Variants in PHACTR4 observed in about 807,000 individuals in gnomAD.
PHACTR4 encodes protein phosphatase 1, regulatory subunit 124.
In PHACTR4, 51 loss-of-function variants were observed where a neutral mutation model predicts 72.7. That is an observed-to-expected ratio of 0.70 (90% CI 0.56 to 0.89). The LOEUF (loss-of-function observed/expected upper bound fraction) is 0.89. Ranked by LOEUF, PHACTR4 falls within the 40% of genes least tolerant of loss-of-function variation. The pLI is 0.00. For synonymous variants in PHACTR4, 255 were observed against 302.5 expected (o/e 0.84, Z 1.63); for missense variants, 731 against 861.8 (o/e 0.85, Z 1.90).
chr1:28,400,392 AAG>A (rs1468499669), intron 1 of PHACTR4, among the ~76,000 whole-genome samples: 1 of 150,928 alleles, frequency 6.6e-6, no homozygotes, highest in Non-Finnish European at 1.5e-5. Flanking sequence ...AAAAAAAAAA[AAG>A]AGAAATCTGG....
chr1:28,420,931 G>A (rs529346466), intron 2 of PHACTR4, among the ~76,000 whole-genome samples: 1 of 152,192 alleles, frequency 6.6e-6, no homozygotes, highest in African/African-American at 2.4e-5. Flanking sequence ...ATATAACTTA[G>A]AAAAAAATTA....
At chr1:28,491,933 C>A in intron 12 of PHACTR4, 146 bp downstream of exon 12, 1 of 1,061,830 alleles carries the variant, frequency 9.4e-7, no homozygotes, top group Non-Finnish European at 1.3e-6. Flanking sequence ...ATACAAAATG[C>A]CAAGTTGAAC....
At chr1:28,440,654 A>G (rs1326153588) in intron 2 of PHACTR4, among the ~76,000 whole-genome samples, 5 of 151,942 alleles carry the variant, frequency 3.3e-5, no homozygotes, top group African/African-American at 9.7e-5. Context: ...TTTATTTCCT[A>G]TTACCTAGAT....
intron 1 of PHACTR4, 30 bp downstream of exon 1, chr1:28,369,855 A>AGGACGCGCTCAGT (rs771388954): frequency 1.1e-5 from 5 of 440,616 alleles, no homozygotes; most frequent in Non-Finnish European, 1.8e-5. Flanking sequence ...GAAAGTGAGC[A>AGGACGCGCTCAGT]GGACGCGCTC....
intron 1 of PHACTR4, among the ~76,000 whole-genome samples, chr1:28,379,988 T>G (rs1351701272): frequency 6.6e-6 from 1 of 151,946 alleles, no homozygotes; most frequent in Non-Finnish European, 1.5e-5. Context: ...TTTTTTTAAC[T>G]TTTGGACAGA....
chr1:28,375,374 A>G (rs1458413606), intron 1 of PHACTR4, among the ~76,000 whole-genome samples: 1 of 147,708 alleles, frequency 6.8e-6, no homozygotes, highest in African/African-American at 2.5e-5. Context: ...GCATTGGAAG[A>G]AGATTATTTA....
intron 2 of PHACTR4, among the ~76,000 whole-genome samples, chr1:28,429,745 C>A (rs764433570): frequency 6.6e-6 from 1 of 152,152 alleles, no homozygotes; most frequent in South Asian, 2.1e-4. Context: ...ATGGGCCCTG[C>A]CCACAAGGAA....
chr1:28,458,626 ATAAG>A (rs2124466240), intron 2 of PHACTR4, among the ~76,000 whole-genome samples: 1 of 152,326 alleles, frequency 6.6e-6, no homozygotes, highest in East Asian at 1.9e-4. Flanking sequence ...ATGAGCAGAT[ATAAG>A]TAAGGTACTA....
chr1:28,464,895 G>A (rs1174612182), intron 4 of PHACTR4, among the ~76,000 whole-genome samples: 1 of 151,918 alleles, frequency 6.6e-6, no homozygotes, highest in Admixed American at 6.6e-5. Flanking sequence ...GTAGAGACAA[G>A]GTTTTACCAT....
intron 6 of PHACTR4, among the ~76,000 whole-genome samples, chr1:28,471,733 G>A (rs919115830): frequency 2.0e-5 from 3 of 151,994 alleles, no homozygotes; most frequent in Admixed American, 1.3e-4. Context: ...ACAGGGTGAA[G>A]GCTTCTCATC....
At chr1:28,395,173 A>G (rs1433957339) in intron 1 of PHACTR4, among the ~76,000 whole-genome samples, 1 of 152,068 alleles carries the variant, frequency 6.6e-6, no homozygotes, top group African/African-American at 2.4e-5. Flanking sequence ...TTGGCCTCCT[A>G]AAGTGCTGGG....
chr1:28,491,937 G>C, intron 12 of PHACTR4, 150 bp downstream of exon 12: 2 of 1,035,306 alleles, frequency 1.9e-6, no homozygotes, highest in Non-Finnish European at 2.7e-6. Flanking sequence ...AAAATGCCAA[G>C]TTGAACAAGT....
At chr1:28,487,150 A>G (rs1271503196) in intron 9 of PHACTR4, among the ~76,000 whole-genome samples, 1 of 152,098 alleles carries the variant, frequency 6.6e-6, no homozygotes, top group Non-Finnish European at 1.5e-5. Context: ...GCGGATCACA[A>G]GGTCAGGAGA....
chr1:28,482,837 G>A (rs1660363299), intron 9 of PHACTR4, among the ~76,000 whole-genome samples: 1 of 151,504 alleles, frequency 6.6e-6, no homozygotes, highest in Admixed American at 6.6e-5. Flanking sequence ...TATTCTGGAA[G>A]CTTAGGTAGA....
At chr1:28,458,157 T>TGTGTG (rs1658544286) in intron 2 of PHACTR4, among the ~76,000 whole-genome samples, 1 of 135,864 alleles carries the variant, frequency 7.4e-6, no homozygotes, top group Admixed American at 7.4e-5. Context: ...TGTGTGTGTG[T>TGTGTG]TTGAGACAGG....
In PHACTR4 at chr1:28,500,148, G is replaced by A. The variant is rs961392823; in HGVS notation, c.*3599G>A. 18 of 152,022 alleles carry A rather than the reference G, an allele frequency of 1.2e-4. No homozygotes were observed. The highest frequency in any genetic ancestry group is 3.6e-4 in the African/African-American group (15 of 41,388). 9.4% of individuals were successfully genotyped at this position (152,022 alleles called of 1,614,324 possible). A position where few individuals can be genotyped will look rare whatever the true frequency, so the allele number is the denominator to read the frequency against. On this transcript the variant is annotated 3_prime_UTR_variant, in exon 14 of 14. Coordinates refer to ENST00000373839, the MANE Select transcript of PHACTR4 (RefSeq NM_001048183.3). ...GTCTCTTTGGGTGTTTTGTTTTTATGTATATAAAAATGGATTTTGTGTTCC... is the reference window on the plus strand; with the variant it reads ...GTCTCTTTGGGTGTTTTGTTTTTATATATATAAAAATGGATTTTGTGTTCC...
Position 28,444,243 on chromosome 1 carries a change from T to TTTTTTC in PHACTR4, c.17-14841_17-14840insTTTTCT, listed in dbSNP as rs1553194313. On this transcript the variant is annotated intron_variant, in intron 2 of 13. Transcript: ENST00000373839. ...TTTTTTTTTTTTTTTTTTTTTTTTTTTGAGACAGAGTCTTGCTCTGTCGCC... is the reference window on the plus strand; with the variant it reads ...TTTTTTTTTTTTTTTTTTTTTTTTTTTTTTTCTGAGACAGAGTCTTGCTCTGTCGCC... Among the ~76,000 whole-genome samples the TTTTTTC allele has an allele frequency of 1.3e-4, 13 of 97,422 alleles. 3 individuals are homozygous for TTTTTTC. Among genetic ancestry groups the TTTTTTC allele is most frequent in the Non-Finnish European group, 1.9e-4 (9 of 48,230 alleles). The allele number at this position is 97,422 out of a possible 152,430, so 63.9% of individuals were successfully genotyped here.
At chr1:28,461,849 CTTTCTT>C (rs1557831370) in intron 4 of PHACTR4, among the ~76,000 whole-genome samples, 1 of 144,216 alleles carries the variant, frequency 6.9e-6, no homozygotes, top group African/African-American at 2.7e-5. Context: ...TGTTTTCTTT[CTTTCTT>C]TTTTTTTTTT....
intron 2 of PHACTR4, among the ~76,000 whole-genome samples, chr1:28,433,692 A>G (rs1569936410): frequency 6.6e-6 from 1 of 151,390 alleles, no homozygotes; most frequent in South Asian, 2.1e-4. Context: ...TCCTGACCCC[A>G]GGTGATCCGC....
Sources: gnomAD v4.1 joint callset for allele counts (sites outside exome capture counted in the v4.1 genomes callset) on GRCh38, gnomAD v4.1.1 for gene constraint, MANE v1.5 for transcripts, NCBI Gene and HGNC (gene_info 2026-07-23, HGNC 2026-07-21) for gene names.